The following STOML3 variants were observed in gnomAD, a reference collection of about 807,000 sequenced individuals.
STOML3 encodes stomatin-like protein 3.
STOML3 carries 31 observed loss-of-function variants against 29.5 expected under a neutral mutation model. The observed-to-expected ratio is 1.05, with a 90% CI of 0.79 to 1.42. STOML3 has a LOEUF of 1.42. Among genes scored for constraint, STOML3 ranks in the 40% most tolerant of loss-of-function variants. STOML3 has a pLI of 0.00. For missense variants in STOML3, 380 were observed against 363.0 expected, an observed-to-expected ratio of 1.05 and a Z score of -0.38; for synonymous variants, 122 against 139.8, an observed-to-expected ratio of 0.87 and a Z score of 0.90.
chr13:38,980,301 T>G (rs1220204145), intron 1 of STOML3, among the ~76,000 whole-genome samples: 2 of 152,092 alleles, frequency 1.3e-5, no homozygotes, highest in Admixed American at 6.6e-5. Context: ...CCCTGCAGGC[T>G]CCCAGCTCAG....
intron 3 of STOML3, 55 bp downstream of exon 3, chr13:38,976,485 G>A: frequency 6.3e-7 from 1 of 1,584,498 alleles, no homozygotes; most frequent in African/African-American, 1.3e-5. Flanking sequence ...GAAGGTGGTA[G>A]CAGTAGTATT....
At chr13:38,988,952 T>C (rs1409628316) in intron 1 of STOML3, among the ~76,000 whole-genome samples, 3 of 145,090 alleles carry the variant, frequency 2.1e-5, no homozygotes, top group African/African-American at 7.6e-5. Context: ...TTATATATAC[T>C]ATATTACACA....
At chr13:38,977,255 T>A (rs1199333734) in intron 1 of STOML3, among the ~76,000 whole-genome samples, 1 of 152,130 alleles carries the variant, frequency 6.6e-6, no homozygotes, top group East Asian at 1.9e-4. Flanking sequence ...CATGGAAAAA[T>A]ATCCTGCAAA....
chr13:38,972,206 T>C (rs960445403), intron 4 of STOML3, among the ~76,000 whole-genome samples: 1 of 152,242 alleles, frequency 6.6e-6, no homozygotes, highest in African/African-American at 2.4e-5. Flanking sequence ...CTTCCAAGCC[T>C]CTGCTCTGTC....
At position 38,970,389 on chromosome 13, in the gene STOML3, C is replaced by A. The variant is rs768089286; in HGVS notation, c.313-1G>T. On this transcript the variant is annotated splice_acceptor_variant, in intron 4 of 6. Coordinates refer to ENST00000379631, the MANE Select transcript of STOML3 (RefSeq NM_145286.3). LOFTEE classifies it high-confidence loss of function. ...TAGTTACGGAGTCTCTGGTGAGGAT[C>A]TGTGGAGTAAGAACAGGGCAAAATC... 7 of 1,613,678 alleles carry A rather than the reference C, an allele frequency of 4.3e-6. No individual in the cohort carries two copies. Among genetic ancestry groups the A allele is most frequent in the Non-Finnish European group, 5.1e-6 (6 of 1,179,714 alleles).
chr13:38,983,631 T>C (rs1881341628), intron 1 of STOML3, among the ~76,000 whole-genome samples: 1 of 152,186 alleles, frequency 6.6e-6, no homozygotes, highest in Non-Finnish European at 1.5e-5. Context: ...GAGAAAAATA[T>C]AGAAATATCA....
chr13:38,972,715 T>C, intron 3 of STOML3, 121 bp from the exon 4 acceptor site: 1 of 795,454 alleles, frequency 1.3e-6, no homozygotes. Context: ...ATCCTCAATA[T>C]GCACACATGA....
At chr13:38,971,873 C>T (rs1039629125) in intron 4 of STOML3, among the ~76,000 whole-genome samples, 10 of 151,892 alleles carry the variant, frequency 6.6e-5, no homozygotes, top group East Asian at 5.8e-4. Flanking sequence ...TGCAATGAGC[C>T]GAGATTGCAC....
At chr13:38,967,140 C>T (rs1453886071) in intron 6 of STOML3, 91 bp from the exon 7 acceptor site, 3 of 1,149,928 alleles carry the variant, frequency 2.6e-6, no homozygotes, top group Non-Finnish European at 3.6e-6. Context: ...TACCCCTCTC[C>T]CCAGCCCCCA....
At chr13:38,978,595 C>A (rs2138017749) in intron 1 of STOML3, among the ~76,000 whole-genome samples, 1 of 152,300 alleles carries the variant, frequency 6.6e-6, no homozygotes, top group East Asian at 1.9e-4. Context: ...AGCCAGCTCA[C>A]CCTACAAACG....
At position 38,966,964 on chromosome 13, in the gene STOML3, T is replaced by C; in HGVS notation, c.737A>G (p.Gln246Arg). ...GCTCAAGGTCTGCAGGTAGCGCAGC[T>C]GGAGAGCTATGGGAGACTCAGCCAG... The part of the protein sequence containing the change: ...MVLAESPIAL[Q>R]LRYLQTLSTV... The change falls in exon 7 of 7, where the codon CAG becomes CGG. Residue 246 changes from glutamine to arginine, a missense_variant. Gln to Arg is a conservative substitution (Grantham distance 43). Transcript: ENST00000379631. The C allele has an allele frequency of 6.2e-7, 1 of 1,614,150 alleles. No homozygotes were observed.
intron 1 of STOML3, among the ~76,000 whole-genome samples, chr13:38,986,720 A>G (rs1868586564): frequency 6.6e-6 from 1 of 152,166 alleles, no homozygotes; most frequent in Non-Finnish European, 1.5e-5. Flanking sequence ...AGCTTGCATT[A>G]AGGAACACTT....
intron 6 of STOML3, among the ~76,000 whole-genome samples, chr13:38,967,742 C>T (rs1880709548): frequency 1.3e-5 from 2 of 152,168 alleles, no homozygotes; most frequent in African/African-American, 2.4e-5. Flanking sequence ...CAAAGAAACA[C>T]CTTCATCAGC....
At chr13:38,980,260 A>G in intron 1 of STOML3, 1 of 851,128 alleles carries the variant, frequency 1.2e-6, no homozygotes, top group Non-Finnish European at 1.8e-6. Context: ...GCTGCCAGTT[A>G]AAGTGGGGCT....
intron 1 of STOML3, among the ~76,000 whole-genome samples, chr13:38,988,017 T>C (rs1202627311): frequency 1.8e-5 from 2 of 109,058 alleles, no homozygotes; most frequent in Non-Finnish European, 3.4e-5. Flanking sequence ...ATATTTTATA[T>C]ATAATATATT....
At chr13:38,986,236 T>C (rs919268417) in intron 1 of STOML3, among the ~76,000 whole-genome samples, 1 of 151,868 alleles carries the variant, frequency 6.6e-6, no homozygotes, top group South Asian at 2.1e-4. Context: ...GGTTTCACCA[T>C]GTTGGACAGG....
intron 4 of STOML3, among the ~76,000 whole-genome samples, chr13:38,970,857 C>T (rs1272607150): frequency 6.6e-6 from 1 of 152,066 alleles, no homozygotes; most frequent in African/African-American, 2.4e-5. Flanking sequence ...ATCGATTTCG[C>T]TCTATGGAGA....
intron 3 of STOML3, among the ~76,000 whole-genome samples, chr13:38,972,957 T>C (rs1348491858): frequency 6.6e-6 from 1 of 151,842 alleles, no homozygotes; most frequent in East Asian, 1.9e-4. Context: ...GAACACAGAA[T>C]GCATATTAAA....
chr13:38,985,486 T>C (rs80146380), intron 1 of STOML3, among the ~76,000 whole-genome samples: 1 of 152,150 alleles, frequency 6.6e-6, no homozygotes, highest in Non-Finnish European at 1.5e-5. Flanking sequence ...CCTTGCATCA[T>C]CTTATCATTC....
Sources: allele counts gnomAD v4.1 joint callset (sites outside exome capture counted in the v4.1 genomes callset), GRCh38; gene constraint gnomAD v4.1.1; transcripts MANE v1.5; gene names NCBI Gene and HGNC (gene_info 2026-07-23, HGNC 2026-07-21).